The following MAP7D3 variants were observed in gnomAD, a reference collection of about 807,000 sequenced individuals.
MAP7D3 encodes the protein MAP7 domain-containing protein 3.
MAP7D3 carries 45 observed loss-of-function variants against 62.2 expected under a neutral mutation model. The observed-to-expected ratio is 0.72, with a 90% CI of 0.57 to 0.93. MAP7D3 has a LOEUF of 0.93. Among genes scored for constraint, MAP7D3 ranks in the 40% least tolerant of loss-of-function variants. The pLI, the probability that MAP7D3 is intolerant of heterozygous loss-of-function variation, is 0.00. For missense variants in MAP7D3, 711 were observed against 683.1 expected (o/e 1.04, Z -0.45); for synonymous variants, 288 against 248.8 (o/e 1.16, Z -1.48).
Position 136,217,128 on chromosome X carries a change from G to A in MAP7D3, c.*1398C>T, listed in dbSNP as rs1014322489. On this transcript the variant is annotated 3_prime_UTR_variant, in exon 19 of 19. Coordinates refer to ENST00000316077, the MANE Select transcript of MAP7D3 (RefSeq NM_024597.4). ...TTCAGACTATTTACGATTCAACACTGAAAACTCATTAGGAGAATTAATCTG... is the reference window on the plus strand; with the variant it reads ...TTCAGACTATTTACGATTCAACACTAAAAACTCATTAGGAGAATTAATCTG... 13 of 112,157 alleles carry A rather than the reference G, an allele frequency of 1.2e-4. No individual in the cohort carries two copies. Among genetic ancestry groups the A allele is most frequent in the African/African-American group, 3.2e-4 (10 of 30,845 alleles). The allele number at this position is 112,157 out of a possible 1,213,427, so 9.2% of individuals were successfully genotyped here.
chrX:136,220,179 C>T lies in MAP7D3; in HGVS notation c.2487-508G>A, dbSNP rs566225077. On this transcript the variant is annotated intron_variant, in intron 16 of 18. Coordinates refer to ENST00000316077, the MANE Select transcript of MAP7D3 (RefSeq NM_024597.4). ...ACATTGACAATGAGCATATTATGGC[C>T]GGGTGTGGTGGCTTACGCCTGTAAT... 3.0e-4 allele frequency among the ~76,000 whole-genome samples: 34 copies of T among 111,554 alleles called. No individual in the cohort carries two copies. In the South Asian group the frequency reaches 0.013, roughly 41 times the overall value.
chrX:136,238,325 GGCTTTT>G (rs932525872), intron 6 of MAP7D3, among the ~76,000 whole-genome samples: 27 of 111,787 alleles, frequency 2.4e-4, no homozygotes, highest in African/African-American at 8.5e-4. Flanking sequence ...TCATTAATAA[GGCTTTT>G]GCTCATTATA....
At position 136,234,038 on chromosome X, in the gene MAP7D3, A is replaced by C. The variant is rs763029360; in HGVS notation, c.737-1818T>G. 8.1e-5 allele frequency among the ~76,000 whole-genome samples: 9 copies of C among 111,480 alleles called. No individual in the cohort carries two copies. The East Asian group carries it at 2.0e-3, about 24-fold the overall frequency. ...GACATACACATAATTGGGCATAAAA[A>C]AGTCAGGAATTAGAACAAAAGAAAT... On this transcript the variant is annotated intron_variant, in intron 7 of 18. Coordinates refer to ENST00000316077, the MANE Select transcript of MAP7D3 (RefSeq NM_024597.4).
chrX:136,254,927 A>AG (rs968472648), upstream of MAP7D3, among the ~76,000 whole-genome samples: 1 of 111,246 alleles, frequency 9.0e-6, no homozygotes, highest in African/African-American at 3.3e-5. Context: ...AAACAAACAA[A>AG]AAAAACGGCT....
rs1274605922 is a variant in MAP7D3 at position 136,232,052 on chromosome X, C to T, written c.905G>A (p.Ser302Asn). The change falls in exon 8 of 19, where the codon AGT becomes AAT. Residue 302 changes from serine (S) to asparagine (N), a missense_variant. By Grantham distance (46) the Ser-to-Asn change is conservative (BLOSUM62 1). Transcript: ENST00000316077. The part of the protein sequence containing the change: ...LEKVETPPKA[S>N]VDAPPQVNVE... ...ATTCACCTGGGGGGGTGCATCCACA[C>T]TTGCCTTGGGAGGTGTCTCTACTTT... The T allele has an allele frequency of 4.1e-6, 5 of 1,211,504 alleles. No individual in the cohort carries two copies. In the Admixed American group the frequency reaches 6.5e-5, roughly 16 times the overall value.
chrX:136,223,306 C>T (rs1456447661), intron 14 of MAP7D3, among the ~76,000 whole-genome samples: 1 of 111,128 alleles, frequency 9.0e-6, no homozygotes, highest in Non-Finnish European at 1.9e-5. Flanking sequence ...AGTCTTGTAG[C>T]ATAGAATGTA....
rs766758399 is a variant in MAP7D3 at position 136,222,491 on chromosome X, G to A, written c.2194-5C>T. 51 of 1,166,509 alleles carry A rather than the reference G, an allele frequency of 4.4e-5. No homozygotes were observed. The African/African-American group carries it at 5.2e-4, about 12-fold the overall frequency. On this transcript the variant is annotated splice_polypyrimidine_tract_variant and splice_region_variant and intron_variant, in intron 14 of 18. Transcript: ENST00000316077. The stretch of plus-strand genomic sequence containing the variant: ...ATGGCTGGATGTTTCTGTGACCTAC[G>A]ATTAAAAAAGGAAATCTTGATTATG...
Position 136,232,200 on chromosome X carries a change from C to T in MAP7D3, c.757G>A (p.Val253Ile). The change falls in exon 8 of 19, where the codon GTA becomes ATA. Residue 253 changes from valine (V) to isoleucine (I), a missense_variant. Transcript: ENST00000316077. ...KPRVTGVTNY[V>I]MQYVTVPLRK... ...AAGGGTACAGTGACATACTGCATTA[C>T]ATAATTGGTGACGCCTGTAACTGAA... 1.7e-6 allele frequency: 2 copies of T among 1,199,170 alleles called. No individual in the cohort carries two copies. The highest frequency in any genetic ancestry group is 2.3e-6 in the Non-Finnish European group (2 of 886,051).
downstream of MAP7D3, chrX:136,216,769 C>T (rs1470830507): frequency 9.0e-6 from 1 of 111,724 alleles, no homozygotes; most frequent in Non-Finnish European, 1.9e-5. Context: ...GCCTTTATAC[C>T]ACCACCAGTA....
chrX:136,251,687 A>G (rs925723503), upstream of MAP7D3: 2 of 242,106 alleles, frequency 8.3e-6, no homozygotes, highest in Non-Finnish European at 1.2e-5. Context: ...ACCTTTACCT[A>G]GCAACACAGT....
intron 8 of MAP7D3, chrX:136,231,228 A>G (rs754667107): frequency 5.7e-4 from 189 of 329,364 alleles, no homozygotes; most frequent in African/African-American, 4.7e-3. Flanking sequence ...CTCAATTTCC[A>G]AATCCTAACT....
intron 11 of MAP7D3, 57 bp downstream of exon 11, chrX:136,228,566 C>A (rs2074225034): frequency 1.4e-5 from 16 of 1,114,180 alleles, no homozygotes; most frequent in South Asian, 2.1e-5. Flanking sequence ...TTTTGACTTT[C>A]AAAAATTTGG....
intron 13 of MAP7D3, 47 bp from the exon 14 acceptor site, chrX:136,224,927 C>A (rs1221153223): frequency 2.2e-6 from 2 of 892,977 alleles, no homozygotes; most frequent in African/African-American, 3.8e-5. Context: ...AGATTAGAAA[C>A]CAAACAGTTG....
At chrX:136,219,756 T>C (rs1321600693) in intron 16 of MAP7D3, 85 bp from the exon 17 acceptor site, 1 of 696,073 alleles carries the variant, frequency 1.4e-6, no homozygotes, top group Non-Finnish European at 2.3e-6. Context: ...TTAATTAACT[T>C]CTAAGAAATG....
At chrX:136,222,342 G>A (rs750856005) in intron 15 of MAP7D3, 51 bp downstream of exon 15, 1 of 971,353 alleles carries the variant, frequency 1.0e-6, no homozygotes, top group Non-Finnish European at 1.5e-6. Context: ...CAAAAGCAGA[G>A]GAGCCCCTGG....
At chrX:136,244,224 A>G (rs958355911) in intron 4 of MAP7D3, among the ~76,000 whole-genome samples, 1 of 111,557 alleles carries the variant, frequency 9.0e-6, no homozygotes, top group Non-Finnish European at 1.9e-5. Context: ...GAGTTGTGAG[A>G]AATCGGTCAG....
chrX:136,238,360 T>A (rs928897693), intron 6 of MAP7D3, among the ~76,000 whole-genome samples: 1 of 112,044 alleles, frequency 8.9e-6, no homozygotes, highest in Non-Finnish European at 1.9e-5. Context: ...GTAATAAATG[T>A]CTATGAGATA....
rs776328508 is a variant in MAP7D3 at position 136,240,479 on chromosome X, T to G, written c.543A>C (p.Lys181Asn). 9.6e-6 allele frequency: 11 copies of G among 1,145,381 alleles called. No individual in the cohort carries two copies. In the African/African-American group the frequency reaches 2.0e-4, roughly 20 times the overall value. 94.4% of individuals were successfully genotyped at this position (1,145,381 alleles called of 1,213,427 possible). A position where few individuals can be genotyped will look rare whatever the true frequency, so the allele number is the denominator to read the frequency against. The change falls in exon 6 of 19, where the codon AAA (lysine) becomes AAC (asparagine). Residue 181 changes from lysine to asparagine, a missense_variant. Physicochemically the swap from Lys to Asn is moderately conservative, Grantham distance 94. Coordinates refer to ENST00000316077, the MANE Select transcript of MAP7D3 (RefSeq NM_024597.4). ...MANSESKTAN[K>N]RSASTEKLEQ... is the part of the protein sequence containing the mutation. ...CAAGTTTTTCAGTAGATGCAGATCGTTTATTGGCTGAGAAAAGACATAATA... is the reference window on the plus strand; with the variant it reads ...CAAGTTTTTCAGTAGATGCAGATCGGTTATTGGCTGAGAAAAGACATAATA...
At chrX:136,216,373 A>AG (rs1235704843), downstream of MAP7D3, among the ~76,000 whole-genome samples, 43 of 105,084 alleles carry the variant, frequency 4.1e-4, no homozygotes, top group East Asian at 0.012. Flanking sequence ...AAAAAAAAAA[A>AG]AAAAAAAAGA....
Sources: allele counts gnomAD v4.1 joint callset (sites outside exome capture counted in the v4.1 genomes callset), GRCh38; gene constraint gnomAD v4.1.1; transcripts MANE v1.5; gene names NCBI Gene and HGNC (gene_info 2026-07-23, HGNC 2026-07-21).